Variants in MTMR10 observed in about 807,000 individuals in gnomAD.
The protein encoded by MTMR10 is myotubularin-related protein 10.
A neutral mutation model predicts 88.1 loss-of-function variants in MTMR10; 56 were observed. The observed-to-expected ratio is 0.64, with a 90% CI of 0.51 to 0.79. MTMR10 has a LOEUF of 0.79. Among genes scored for constraint, MTMR10 ranks in the 30% least tolerant of loss-of-function variants. The pLI, the probability that MTMR10 is intolerant of heterozygous loss-of-function variation, is 0.00. For missense variants in MTMR10, 883 were observed against 924.7 expected, an observed-to-expected ratio of 0.95 and a Z score of 0.58; for synonymous variants, 380 against 340.9, an observed-to-expected ratio of 1.11 and a Z score of -1.26.
At position 30,959,637 on chromosome 15, in the gene MTMR10, GCT is replaced by G. The variant is rs562392188; in HGVS notation, c.759-518_759-517del. Reference sequence around the variant, plus strand: ...ACATCTTCCTTCTTTCCCCGACGTGGCTGGGCAGCCCCATCACATGTTTCTCA... The same window carrying G: ...ACATCTTCCTTCTTTCCCCGACGTGGGGGCAGCCCCATCACATGTTTCTCA... On this transcript the variant is annotated intron_variant, in intron 7 of 15. Coordinates refer to ENST00000435680, the MANE Select transcript of MTMR10 (RefSeq NM_017762.3). Among the ~76,000 whole-genome samples, 56 of 152,312 alleles carry G rather than the reference GCT, an allele frequency of 3.7e-4. 1 individual carries two copies. The highest frequency in any genetic ancestry group is 1.3e-3 in the African/African-American group (53 of 41,568).
the MTMR10 span, among the ~76,000 whole-genome samples, chr15:30,925,612 G>A: frequency 3.9e-5 from 6 of 152,342 alleles, no homozygotes; most frequent in African/African-American, 1.4e-4. Context: ...CTCTCCCAGG[G>A]CCGGACCAGC....
At chr15:30,983,530 T>C (rs758350574) in intron 2 of MTMR10, among the ~76,000 whole-genome samples, 14 of 152,252 alleles carry the variant, frequency 9.2e-5, no homozygotes, top group Admixed American at 7.2e-4. Flanking sequence ...TCATCACGTT[T>C]GATGGACAGA....
rs2140983195 is a variant in MTMR10 at position 30,940,887 on chromosome 15, G to A, written c.*583C>T. 1 of 1,016,612 alleles carries A rather than the reference G, an allele frequency of 9.8e-7. No individual in the cohort carries two copies. The highest frequency in any genetic ancestry group is 3.8e-5 in the South Asian group (1 of 26,058). 63.0% of individuals were successfully genotyped at this position (1,016,612 alleles called of 1,614,324 possible). ...TAACAGTGCATATCATTTTAAAGTT[G>A]ACCCTATGAAGTTAAAAGCAAACTC... On this transcript the variant is annotated 3_prime_UTR_variant, in exon 16 of 16. Coordinates refer to ENST00000435680, the MANE Select transcript of MTMR10 (RefSeq NM_017762.3).
the MTMR10 span, among the ~76,000 whole-genome samples, chr15:30,919,453 G>A: frequency 1.3e-5 from 2 of 151,742 alleles, no homozygotes; most frequent in Non-Finnish European, 2.9e-5. Context: ...CACTTTGGGA[G>A]GCAGAGGTGA....
chr15:30,956,248 T>C (rs2063326362), intron 9 of MTMR10: 1 of 152,250 alleles, frequency 6.6e-6, no homozygotes. Flanking sequence ...CCCATTTCAT[T>C]AAAATATGTA....
At position 30,979,616 on chromosome 15, in the gene MTMR10, G is replaced by A. The variant is rs537819618; in HGVS notation, c.122-2661C>T. ...CATATGATTTCAGGTTCCTGAGAAG[G>A]GAAGCAGAAGTAATAACAGGAAGGA... On this transcript the variant is annotated intron_variant, in intron 2 of 15. Transcript: ENST00000435680. 2.6e-5 allele frequency among the ~76,000 whole-genome samples: 4 copies of A among 152,248 alleles called. No homozygotes were observed. In the South Asian group the frequency reaches 8.3e-4, roughly 32 times the overall value.
chr15:30,988,481 A>T (rs1431913731), intron 2 of MTMR10, among the ~76,000 whole-genome samples: 3 of 148,458 alleles, frequency 2.0e-5, no homozygotes, highest in Non-Finnish European at 4.5e-5. Context: ...TTAGTGTTAC[A>T]GCTCTTTTAG....
At chr15:30,974,184 A>C in intron 5 of MTMR10, 130 bp downstream of exon 5, 1 of 886,638 alleles carries the variant, frequency 1.1e-6, no homozygotes, top group Non-Finnish European at 1.5e-6. Flanking sequence ...CTTTGACTTT[A>C]CTTAAGAAGA....
rs745563492 is a variant in MTMR10, at chr15:30,941,944, G to C, written c.1860C>G (p.Thr620=). The C allele has an allele frequency of 8.1e-6, 13 of 1,613,976 alleles. No homozygotes were observed. Among genetic ancestry groups the C allele is most frequent in the Non-Finnish European group, 1.0e-5 (12 of 1,179,884 alleles). Reference sequence around the variant, plus strand: ...GCTCCGTATCACTGTTCTGGCTGTCGGTTTGCTGAGCTGGATCTGGCTTTG... The same window carrying C: ...GCTCCGTATCACTGTTCTGGCTGTCCGTTTGCTGAGCTGGATCTGGCTTTG... ...LKPKPDPAQQ[T]DSQNSDTEQY... Residue 620 remains threonine (T), a synonymous_variant, in exon 16 of 16, where the codon ACC becomes ACG. Coordinates refer to ENST00000435680, the MANE Select transcript of MTMR10 (RefSeq NM_017762.3).
At chr15:30,933,895 G>A in the MTMR10 span, among the ~76,000 whole-genome samples, 77 of 152,112 alleles carry the variant, frequency 5.1e-4, no homozygotes, top group African/African-American at 1.8e-3. Flanking sequence ...TGAGTAGCCC[G>A]AACTATAGGC....
downstream of MTMR10, among the ~76,000 whole-genome samples, chr15:30,936,180 T>C (rs980226688): frequency 1.3e-5 from 2 of 152,192 alleles, no homozygotes; most frequent in Non-Finnish European, 2.9e-5. Flanking sequence ...CTTGCCTTCA[T>C]GAAGATGACA....
intron 5 of MTMR10, among the ~76,000 whole-genome samples, chr15:30,972,231 C>A (rs936629309): frequency 6.6e-6 from 1 of 152,108 alleles, no homozygotes; most frequent in Admixed American, 6.6e-5. Flanking sequence ...AAACTTTTCA[C>A]TTGAAATAAA....
chr15:30,932,806 G>C, the MTMR10 span, among the ~76,000 whole-genome samples: 3 of 148,616 alleles, frequency 2.0e-5, no homozygotes, highest in Non-Finnish European at 3.0e-5. Flanking sequence ...TCCGCCTCCT[G>C]GGTTCAAGTG....
At chr15:30,968,191 C>T (rs2063493981) in intron 5 of MTMR10, 181 bp from the exon 6 acceptor site, 3 of 442,472 alleles carry the variant, frequency 6.8e-6, no homozygotes, top group South Asian at 5.2e-5. Flanking sequence ...CATTCACTTT[C>T]ATGCCCTCAA....
intron 6 of MTMR10, 74 bp from the exon 7 acceptor site, chr15:30,961,147 G>C: frequency 6.7e-7 from 1 of 1,484,744 alleles, no homozygotes; most frequent in South Asian, 1.3e-5. Context: ...TGAGCCTCCT[G>C]TCACATGCAT....
At chr15:30,951,012 C>T (rs1057109867) in intron 12 of MTMR10, among the ~76,000 whole-genome samples, 15 of 152,218 alleles carry the variant, frequency 9.9e-5, no homozygotes, top group African/African-American at 2.7e-4. Flanking sequence ...AGCTTTCCCC[C>T]GCCAATATTT....
Position 30,966,169 on chromosome 15 carries a change from C to A in MTMR10, c.565+1751G>T, listed in dbSNP as rs373361802. On this transcript the variant is annotated intron_variant, in intron 6 of 15. Transcript: ENST00000435680. ...TGAAGGATGTAATATAAAAAAGCAT[C>A]CCTGAATATTTTCAGTATTAATCAT... 41 of 336,306 alleles carry A rather than the reference C, an allele frequency of 1.2e-4. No individual in the cohort carries two copies. In the East Asian group the frequency reaches 1.7e-3, roughly 14 times the overall value. The allele number at this position is 336,306 out of a possible 1,614,324, so 20.8% of individuals were successfully genotyped here.
At chr15:30,979,176 T>A (rs1798380950) in intron 2 of MTMR10, among the ~76,000 whole-genome samples, 1 of 152,178 alleles carries the variant, frequency 6.6e-6, no homozygotes, top group African/African-American at 2.4e-5. Flanking sequence ...AGCAAACTCA[T>A]CTAAAAACAG....
chr15:30,920,118 G>C, the MTMR10 span, among the ~76,000 whole-genome samples: 1 of 152,222 alleles, frequency 6.6e-6, no homozygotes, highest in Non-Finnish European at 1.5e-5. Flanking sequence ...GTATGCAAAT[G>C]AATGAGCCTG....
Sources: gnomAD v4.1 joint callset for allele counts (sites outside exome capture counted in the v4.1 genomes callset) on GRCh38, gnomAD v4.1.1 for gene constraint, MANE v1.5 for transcripts, NCBI Gene and HGNC (gene_info 2026-07-23, HGNC 2026-07-21) for gene names.